The following PDCD6IP variants were observed in gnomAD, a reference collection of about 807,000 sequenced individuals.
PDCD6IP encodes the protein programmed cell death 6-interacting protein.
In PDCD6IP, 43 loss-of-function variants were observed where a neutral mutation model predicts 103.7. That is an observed-to-expected ratio of 0.41 (90% CI 0.32 to 0.53). The LOEUF (loss-of-function observed/expected upper bound fraction) is 0.53, where lower values mean the gene tolerates loss of function less well. Among genes scored for constraint, PDCD6IP ranks in the 20% least tolerant of loss-of-function variants. The pLI is 0.16. For synonymous variants in PDCD6IP, 354 were observed against 378.7 expected, an observed-to-expected ratio of 0.93 and a Z score of 0.76; for missense variants, 871 against 1,036.7, an observed-to-expected ratio of 0.84 and a Z score of 2.20.
At chr3:33,861,000 TAAAAAA>T (rs202127648) in intron 15 of PDCD6IP, among the ~76,000 whole-genome samples, 2,325 of 146,278 alleles carry the variant, frequency 0.016, 26 homozygotes, top group South Asian at 0.027. Flanking sequence ...TAGCCGTAGT[TAAAAAA>T]AAAAAAACAG....
At chr3:33,839,553 T>G (rs1697425377) in intron 9 of PDCD6IP, among the ~76,000 whole-genome samples, 1 of 152,212 alleles carries the variant, frequency 6.6e-6, no homozygotes, top group South Asian at 2.1e-4. Context: ...TAATGGGCAT[T>G]TCAGTTTCTG....
At chr3:33,833,594 T>C (rs967516830) in intron 7 of PDCD6IP, among the ~76,000 whole-genome samples, 3 of 152,220 alleles carry the variant, frequency 2.0e-5, no homozygotes, top group Non-Finnish European at 4.4e-5. Flanking sequence ...TCACTCACTC[T>C]GGTTTGGGCC....
intron 6 of PDCD6IP, among the ~76,000 whole-genome samples, chr3:33,828,129 T>A (rs943665539): frequency 1.3e-5 from 2 of 152,208 alleles, no homozygotes; most frequent in African/African-American, 4.8e-5. Context: ...TCCTGCTTTA[T>A]GTCTTTGGAT....
chr3:33,842,137 A>G, intron 10 of PDCD6IP, 63 bp downstream of exon 10: 1 of 1,000,454 alleles, frequency 1.0e-6, no homozygotes, highest in Non-Finnish European at 1.5e-6. Context: ...TCCAGCAGGG[A>G]TTGGGACTGG....
intron 3 of PDCD6IP, among the ~76,000 whole-genome samples, chr3:33,820,460 A>G (rs991296838): frequency 6.6e-6 from 1 of 152,184 alleles, no homozygotes; most frequent in Non-Finnish European, 1.5e-5. Context: ...TTAAGTATAC[A>G]GTTCACTAGT....
intron 4 of PDCD6IP, among the ~76,000 whole-genome samples, chr3:33,822,627 A>G (rs1697018256): frequency 6.6e-6 from 1 of 152,064 alleles, no homozygotes; most frequent in Non-Finnish European, 1.5e-5. Flanking sequence ...CTAATATGGC[A>G]TGTTATTTTG....
chr3:33,845,698 A>G (rs1217727311), intron 12 of PDCD6IP, 110 bp downstream of exon 12: 3 of 779,190 alleles, frequency 3.9e-6, no homozygotes, highest in Non-Finnish European at 6.2e-6. Context: ...AAAAATGCAG[A>G]AATAAATTGG....
chr3:33,840,498 T>TG (rs1263359979), intron 9 of PDCD6IP, among the ~76,000 whole-genome samples: 1 of 152,244 alleles, frequency 6.6e-6, no homozygotes, highest in African/African-American at 2.4e-5. Flanking sequence ...TTTTGATTAA[T>TG]GCATGGATTT....
rs1260671004 is a variant in PDCD6IP, at chr3:33,811,935, T to TA, written c.210-131dup. The TA allele has an allele frequency of 1.1e-5, 13 of 1,231,874 alleles. No homozygotes were observed. The African/African-American group carries it at 2.1e-4, about 19-fold the overall frequency. 76.3% of individuals were successfully genotyped at this position (1,231,874 alleles called of 1,614,324 possible). A position where few individuals can be genotyped will look rare whatever the true frequency, so the allele number is the denominator to read the frequency against. On this transcript the variant is annotated intron_variant, in intron 1 of 17. Coordinates refer to ENST00000307296, the MANE Select transcript of PDCD6IP (RefSeq NM_013374.6). ...TTTTTTAAGCTTCTGGTTTACGTAT[T>TA]AAAAAACTTTTTTTCATATAAAATA...
At chr3:33,857,023 ACATGTTCATGTTCATT>A (rs1329931041) in intron 15 of PDCD6IP, among the ~76,000 whole-genome samples, 7 of 152,238 alleles carry the variant, frequency 4.6e-5, no homozygotes, top group Admixed American at 4.6e-4. Context: ...CAGAGAATGA[ACATGTTCATGTTCATT>A]CACCTCTCTG....
chr3:33,862,320 G>A (rs1697972372), intron 15 of PDCD6IP, among the ~76,000 whole-genome samples: 1 of 151,884 alleles, frequency 6.6e-6, no homozygotes, highest in Admixed American at 6.6e-5. Flanking sequence ...GGGAAGGTTG[G>A]ATGCGGACAG....
chr3:33,847,893 G>A (rs1417512209), intron 12 of PDCD6IP, among the ~76,000 whole-genome samples: 1 of 152,140 alleles, frequency 6.6e-6, no homozygotes, highest in Non-Finnish European at 1.5e-5. Context: ...CTAGCCAGAG[G>A]AAGGAACATG....
At position 33,828,956 on chromosome 3, in the gene PDCD6IP, T is replaced by A; in HGVS notation, c.821T>A (p.Ile274Asn). The A allele has an allele frequency of 6.2e-7, 1 of 1,608,610 alleles. No homozygotes were observed. The highest frequency in any genetic ancestry group is 1.1e-5 in the South Asian group (1 of 90,154). The change falls in exon 7 of 18, where the codon ATT becomes AAT. Residue 274 changes from isoleucine (I) to asparagine (N), a missense_variant. By Grantham distance (149) the Ile-to-Asn change is moderately radical. This residue lies in a region of PDCD6IP where 242 missense variants were observed against 250.7 expected (regional missense o/e 0.97). Transcript: ENST00000307296. ...AKQQKKFGEEIARLQHAAELI... is the reference protein window; with the variant it reads ...AKQQKKFGEENARLQHAAELI... The stretch of plus-strand genomic sequence containing the variant: ...CAGCAGAAGAAATTTGGAGAAGAAA[T>A]TGCAAGGTTACAGGTGAGTCTCTTG...
chr3:33,850,948 C>T (rs1381874174), intron 12 of PDCD6IP, among the ~76,000 whole-genome samples: 1 of 151,894 alleles, frequency 6.6e-6, no homozygotes, highest in Admixed American at 6.6e-5. Flanking sequence ...CTCTTCTGTT[C>T]CTTTCCTTTC....
rs934895745 is a variant in PDCD6IP at position 33,867,794 on chromosome 3, A to G, written c.*1269A>G. 6.6e-6 allele frequency: 1 copy of G among 152,194 alleles called. No homozygotes were observed. Among genetic ancestry groups the G allele is most frequent in the South Asian group, 2.1e-4 (1 of 4,828 alleles). 9.4% of individuals were successfully genotyped at this position (152,194 alleles called of 1,614,324 possible). On this transcript the variant is annotated 3_prime_UTR_variant, in exon 18 of 18. Transcript: ENST00000307296. ...CATTTCTGAACACATTAGGCATATG[A>G]GCAGATTTCCAGTGAATCTATTTAT... is the stretch of plus-strand genomic sequence containing the variant.
chr3:33,816,157 C>T (rs2125549542), intron 3 of PDCD6IP, among the ~76,000 whole-genome samples: 1 of 152,166 alleles, frequency 6.6e-6, no homozygotes, highest in African/African-American at 2.4e-5. Flanking sequence ...ATACAGAGTG[C>T]CAGATGTGAT....
intron 8 of PDCD6IP, among the ~76,000 whole-genome samples, chr3:33,836,928 C>CG (rs1295096748): frequency 7.0e-6 from 1 of 143,340 alleles, no homozygotes; most frequent in Non-Finnish European, 1.6e-5. Flanking sequence ...TTTTTCTTTT[C>CG]TTTTTTTTTT....
intron 3 of PDCD6IP, 25 bp from the exon 4 acceptor site, chr3:33,821,930 A>T (rs1317132968): frequency 6.3e-7 from 1 of 1,596,708 alleles, no homozygotes; most frequent in Non-Finnish European, 8.5e-7. Flanking sequence ...AATCTGATGA[A>T]TTTTTCCTTC....
intron 12 of PDCD6IP, among the ~76,000 whole-genome samples, chr3:33,849,990 T>C (rs1372875575): frequency 6.6e-6 from 1 of 152,242 alleles, no homozygotes; most frequent in African/African-American, 2.4e-5. Context: ...TTGTTAACTA[T>C]TTGACCCTCT....
Sources: gnomAD v4.1 joint callset for allele counts (sites outside exome capture counted in the v4.1 genomes callset) on GRCh38, gnomAD v4.1.1 for gene constraint, gnomAD v4.1.1 regional missense constraint, MANE v1.5 for transcripts, NCBI Gene and HGNC (gene_info 2026-07-23, HGNC 2026-07-21) for gene names.